Variants in BNC2 observed in about 807,000 individuals in gnomAD.
BNC2 encodes the protein basonuclin zinc finger protein 2.
In BNC2, 20 loss-of-function variants were observed where a neutral mutation model predicts 76.3. The observed-to-expected ratio is 0.26, with a 90% CI of 0.18 to 0.38. The LOEUF (loss-of-function observed/expected upper bound fraction) is 0.38, where lower values mean the gene tolerates loss of function less well. BNC2 is among the 10% of genes least tolerant of loss of function. BNC2 has a pLI of 1.00. For missense variants in BNC2, 1,382 were observed against 1,399.8 expected, an observed-to-expected ratio of 0.99 and a Z score of 0.20; for synonymous variants, 582 against 514.8, an observed-to-expected ratio of 1.13 and a Z score of -1.77.
chr9:16,756,918 G>A (rs183803938), intron 1 of BNC2, among the ~76,000 whole-genome samples: 21 of 151,378 alleles, frequency 1.4e-4, no homozygotes, highest in African/African-American at 4.8e-4. Context: ...CTGAACCCGG[G>A]AGGTGGAGCT....
intron 1 of BNC2, among the ~76,000 whole-genome samples, chr9:16,824,231 G>A (rs539662076): frequency 2.0e-5 from 3 of 152,104 alleles, no homozygotes; most frequent in Non-Finnish European, 2.9e-5. Flanking sequence ...TCTTTTCCCT[G>A]AAGTGTTAAA....
chr9:16,603,191 T>A (rs767115987), intron 3 of BNC2, among the ~76,000 whole-genome samples: 1 of 152,206 alleles, frequency 6.6e-6, no homozygotes, highest in Non-Finnish European at 1.5e-5. Flanking sequence ...AGTCAGGCAC[T>A]GCAAACAGAA....
chr9:16,852,970 T>C (rs2136165747), intron 1 of BNC2, among the ~76,000 whole-genome samples: 1 of 152,234 alleles, frequency 6.6e-6, no homozygotes, highest in African/African-American at 2.4e-5. Context: ...ACATATCCTT[T>C]TCAGTGATGG....
chr9:16,776,959 C>T (rs1176433231), intron 1 of BNC2, among the ~76,000 whole-genome samples: 1 of 151,856 alleles, frequency 6.6e-6, no homozygotes, highest in Non-Finnish European at 1.5e-5. Context: ...AACCCCATCT[C>T]TACTAAAAAA....
intron 3 of BNC2, among the ~76,000 whole-genome samples, chr9:16,697,234 C>T (rs933463985): frequency 4.6e-5 from 7 of 151,880 alleles, no homozygotes; most frequent in African/African-American, 1.5e-4. Context: ...GGCACGTGCC[C>T]GTAGTCCCAG....
chr9:16,580,722 G>C (rs576191010), intron 4 of BNC2, among the ~76,000 whole-genome samples: 1 of 152,246 alleles, frequency 6.6e-6, no homozygotes, highest in East Asian at 1.9e-4. Context: ...GATGGCTTTG[G>C]CAAAAATGAG....
chr9:16,443,579 A>G, intron 5 of BNC2, among the ~76,000 whole-genome samples: 1 of 147,662 alleles, frequency 6.8e-6, no homozygotes, highest in African/African-American at 2.7e-5. Flanking sequence ...AACTTAAATC[A>G]TAAATTTTAC....
intron 3 of BNC2, among the ~76,000 whole-genome samples, chr9:16,703,578 G>A (rs939445865): frequency 1.3e-5 from 2 of 152,074 alleles, no homozygotes; most frequent in Admixed American, 6.5e-5. Flanking sequence ...GGAGCTGATC[G>A]CTTATTGGTG....
chr9:16,712,754 A>G (rs775122217), intron 3 of BNC2, among the ~76,000 whole-genome samples: 3 of 152,214 alleles, frequency 2.0e-5, no homozygotes, highest in Non-Finnish European at 4.4e-5. Context: ...ATAAATAGAT[A>G]ATTTGGTATT....
intron 1 of BNC2, among the ~76,000 whole-genome samples, chr9:16,827,443 C>T (rs1186351679): frequency 6.6e-6 from 1 of 152,108 alleles, no homozygotes; most frequent in Non-Finnish European, 1.5e-5. Flanking sequence ...AGGTATTGTA[C>T]TGATGGAGAA....
At position 16,765,988 on chromosome 9, in the gene BNC2, C is replaced by T. The variant is rs575504695; in HGVS notation, c.4-27503G>A. On this transcript the variant is annotated intron_variant, in intron 1 of 6. Transcript: ENST00000380672. ...ATTTTTAGTAGAGACGGGATTTCAC[C>T]GTGTTAGCCAGGATGTTCTCGATCT... 5.3e-5 allele frequency among the ~76,000 whole-genome samples: 8 copies of T among 152,076 alleles called. No individual in the cohort carries two copies. The South Asian group carries it at 6.2e-4, about 12-fold the overall frequency.
intron 1 of BNC2, among the ~76,000 whole-genome samples, chr9:16,766,838 A>G (rs1335615035): frequency 6.6e-6 from 1 of 151,806 alleles, no homozygotes; most frequent in Non-Finnish European, 1.5e-5. Context: ...GGGGCTTTAG[A>G]GTGGGCTCTC....
intron 3 of BNC2, among the ~76,000 whole-genome samples, chr9:16,693,672 G>T (rs781028891): frequency 2.6e-5 from 4 of 152,160 alleles, no homozygotes; most frequent in Non-Finnish European, 5.9e-5. Flanking sequence ...TGGAGAGAAA[G>T]AAGAAGGAGC....
chr9:16,656,146 G>C (rs1019814416), intron 3 of BNC2, among the ~76,000 whole-genome samples: 24 of 152,148 alleles, frequency 1.6e-4, no homozygotes, highest in African/African-American at 5.1e-4. Context: ...GTAGCACAAA[G>C]AATTATCCAA....
At chr9:16,696,516 C>T (rs1823343233) in intron 3 of BNC2, among the ~76,000 whole-genome samples, 1 of 152,134 alleles carries the variant, frequency 6.6e-6, no homozygotes, top group Non-Finnish European at 1.5e-5. Flanking sequence ...CTCATCGTCC[C>T]AAGTGCTCTA....
chr9:16,844,524 G>C (rs1301607112), intron 1 of BNC2, among the ~76,000 whole-genome samples: 1 of 128,170 alleles, frequency 7.8e-6, no homozygotes, highest in South Asian at 2.6e-4. Context: ...TTGAGACGGA[G>C]TCTCGCTCTG....
At chr9:16,556,056 G>A (rs917960769) in intron 4 of BNC2, among the ~76,000 whole-genome samples, 3 of 151,202 alleles carry the variant, frequency 2.0e-5, no homozygotes, top group Non-Finnish European at 3.0e-5. Context: ...TCCCAGCGCT[G>A]TGGGAGGCCA....
chr9:16,440,623 A>G (rs1821107284), intron 5 of BNC2, among the ~76,000 whole-genome samples: 1 of 152,152 alleles, frequency 6.6e-6, no homozygotes, highest in Non-Finnish European at 1.5e-5. Flanking sequence ...GATCAGTCCC[A>G]CCTGAGGCAT....
At chr9:16,489,309 A>T (rs1185948888) in intron 5 of BNC2, among the ~76,000 whole-genome samples, 1 of 152,222 alleles carries the variant, frequency 6.6e-6, no homozygotes, top group African/African-American at 2.4e-5. Context: ...TAAGGAAATC[A>T]ATTTTTAATT....
Sources: allele counts gnomAD v4.1 joint callset (sites outside exome capture counted in the v4.1 genomes callset), GRCh38; gene constraint gnomAD v4.1.1; transcripts MANE v1.5; gene names NCBI Gene and HGNC (gene_info 2026-07-23, HGNC 2026-07-21).